C16orf96: variants seen among roughly 807,000 people sequenced by gnomAD.
The protein encoded by C16orf96 is uncharacterized protein C16orf96.
C16orf96 carries 108 observed loss-of-function variants against 103.6 expected under a neutral mutation model. That is an observed-to-expected ratio of 1.04 (90% CI 0.89 to 1.22). C16orf96 has a LOEUF of 1.22. Among genes scored for constraint, C16orf96 ranks in the 50% most tolerant of loss-of-function variants. C16orf96 has a pLI of 0.00. For synonymous variants in C16orf96, 566 were observed against 593.5 expected, an observed-to-expected ratio of 0.95 and a Z score of 0.67; for missense variants, 1,586 against 1,464.2, an observed-to-expected ratio of 1.08 and a Z score of -1.36.
chr16:4,562,721 C>A, intron 1 of C16orf96: 1 of 553,446 alleles, frequency 1.8e-6, no homozygotes, highest in African/African-American at 2.0e-5. Context: ...CATATAATAG[C>A]TTGGAGAACA....
chr16:4,575,593 A>C lies in C16orf96; in HGVS notation c.1113A>C (p.Gly371=). 1.3e-6 allele frequency: 2 copies of C among 1,514,518 alleles called. No homozygotes were observed. Among genetic ancestry groups the C allele is most frequent in the Non-Finnish European group, 1.8e-6 (2 of 1,131,608 alleles). 93.8% of individuals were successfully genotyped at this position (1,514,518 alleles called of 1,614,324 possible). A position where few individuals can be genotyped will look rare whatever the true frequency, so the allele number is the denominator to read the frequency against. ...TGCCAGCACCTTGGCCTGTGCTTGG[A>C]CCTGTGCCTGCCCCAGGTGCCCAGC... ...GSLPAPWPVL[G]PVPAPGAQPP... The change falls in exon 5 of 16, where the codon GGA becomes GGC. Residue 371 remains glycine (G), a synonymous_variant. Transcript: ENST00000444310.
chr16:4,599,503 A>G (rs192749000), intron 15 of C16orf96, 139 bp downstream of exon 15: 557 of 752,008 alleles, frequency 7.4e-4, no homozygotes, highest in Non-Finnish European at 1.0e-3. Flanking sequence ...TTGCCTGCCT[A>G]TGGCACTTCA....
upstream of C16orf96, among the ~76,000 whole-genome samples, chr16:4,555,269 T>TACACACACAC (rs71139639): frequency 4.1e-5 from 6 of 145,588 alleles, no homozygotes; most frequent in African/African-American, 1.0e-4. Flanking sequence ...TCACACACAC[T>TACACACACAC]ACACACACAC....
chr16:4,575,432 C>T lies in C16orf96; in HGVS notation c.952C>T (p.Pro318Ser), dbSNP rs867357170. ...QPPALTPESA[P>S]GCTTEFAPGP... ...TCCGGCCCTCACGCCTGAGTCTGCA[C>T]CTGGGTGCACAACTGAATTTGCACC... Residue 318 changes from proline to serine, a missense_variant, in exon 5 of 16, where the codon CCT becomes TCT. Pro to Ser is a moderately conservative substitution (Grantham distance 74). Coordinates refer to ENST00000444310, the MANE Select transcript of C16orf96 (RefSeq NM_001145011.2). 6.5e-7 allele frequency: 1 copy of T among 1,549,618 alleles called. No individual in the cohort carries two copies. Among genetic ancestry groups the T allele is most frequent in the Non-Finnish European group, 8.7e-7 (1 of 1,146,938 alleles).
At chr16:4,544,735 A>G in the C16orf96 span, among the ~76,000 whole-genome samples, 3 of 152,198 alleles carry the variant, frequency 2.0e-5, no homozygotes, top group African/African-American at 7.2e-5. Flanking sequence ...CCTGGCACAC[A>G]GCCAGCCCTC....
chr16:4,563,851 G>A (rs2059359143), intron 1 of C16orf96, among the ~76,000 whole-genome samples: 2 of 151,434 alleles, frequency 1.3e-5, no homozygotes, highest in African/African-American at 4.9e-5. Context: ...TTACAGGCAT[G>A]AGCCACTGTG....
At chr16:4,571,793 G>C (rs1406144376) in intron 2 of C16orf96, 128 bp downstream of exon 2, 1 of 763,244 alleles carries the variant, frequency 1.3e-6, no homozygotes, top group East Asian at 2.8e-5. Context: ...TGGTCATGTG[G>C]ACCCTCCAAT....
intron 6 of C16orf96, 80 bp downstream of exon 6, chr16:4,579,105 C>A (rs1021734147): frequency 3.2e-6 from 4 of 1,262,506 alleles, no homozygotes; most frequent in Admixed American, 2.0e-5. Context: ...CTCTGCCCCC[C>A]TCCCAGGTGC....
At chr16:4,554,654 T>C (rs1223690625), upstream of C16orf96, among the ~76,000 whole-genome samples, 1 of 146,710 alleles carries the variant, frequency 6.8e-6, no homozygotes, top group African/African-American at 2.6e-5. Context: ...GCACCCAGCC[T>C]ATCGCCCTTC....
Position 4,575,797 on chromosome 16 carries a change from G to T in C16orf96, c.1317G>T (p.Gln439His). Reference sequence around the variant, plus strand: ...GCTCATTGTGGCCTCGACCACTCCAGCCATATCAGTCTCGCCAGGGAGAAG... The same window carrying T: ...GCTCATTGTGGCCTCGACCACTCCATCCATATCAGTCTCGCCAGGGAGAAG... ...EFGSLWPRPL[Q>H]PYQSRQGEAL... The change falls in exon 5 of 16, where the codon CAG becomes CAT. Residue 439 changes from glutamine (Q) to histidine (H), a missense_variant. By Grantham distance (24) the Gln-to-His change is conservative (BLOSUM62 0). Coordinates refer to ENST00000444310, the MANE Select transcript of C16orf96 (RefSeq NM_001145011.2). The T allele has an allele frequency of 6.4e-7, 1 of 1,551,134 alleles. No homozygotes were observed. Among genetic ancestry groups the T allele is most frequent in the South Asian group, 1.2e-5 (1 of 84,058 alleles).
intron 2 of C16orf96, among the ~76,000 whole-genome samples, chr16:4,573,303 G>C (rs753029135): frequency 6.6e-6 from 1 of 152,052 alleles, no homozygotes; most frequent in South Asian, 2.1e-4. Context: ...GCTGGGTGTG[G>C]TTGCAGGCAC....
At chr16:4,567,572 C>T (rs1052047434) in intron 1 of C16orf96, among the ~76,000 whole-genome samples, 3 of 151,462 alleles carry the variant, frequency 2.0e-5, no homozygotes, top group African/African-American at 7.3e-5. Flanking sequence ...TGTGAGCCAC[C>T]GCGCCCGGCC....
At chr16:4,541,662 G>C in the C16orf96 span, among the ~76,000 whole-genome samples, 21 of 151,998 alleles carry the variant, frequency 1.4e-4, no homozygotes, top group Non-Finnish European at 1.8e-4. Flanking sequence ...GCTTTTTATT[G>C]GTGATTCTGG....
chr16:4,546,396 G>T, the C16orf96 span, among the ~76,000 whole-genome samples: 1 of 150,536 alleles, frequency 6.6e-6, no homozygotes, highest in Admixed American at 6.7e-5. Flanking sequence ...CTGACCTCGT[G>T]ATCTGCCTGC....
chr16:4,594,609 G>A lies in C16orf96; in HGVS notation c.3028-95G>A, dbSNP rs901609586. 3.9e-6 allele frequency: 6 copies of A among 1,537,526 alleles called. No individual in the cohort carries two copies. The African/African-American group carries it at 4.1e-5, about 11-fold the overall frequency. ...CTGAGCAGTGGGCAACCCCAGCAGA[G>A]GCTGCACTCTGTCTCCTGGGCTTCT... On this transcript the variant is annotated intron_variant, in intron 13 of 15. Coordinates refer to ENST00000444310, the MANE Select transcript of C16orf96 (RefSeq NM_001145011.2).
chr16:4,579,288 C>CT (rs1417456770), intron 6 of C16orf96, among the ~76,000 whole-genome samples: 1 of 152,066 alleles, frequency 6.6e-6, no homozygotes, highest in African/African-American at 2.4e-5. Flanking sequence ...TGCGGTGGCT[C>CT]ATACCTGTAA....
chr16:4,549,762 CAG>C, the C16orf96 span, among the ~76,000 whole-genome samples: 1 of 152,066 alleles, frequency 6.6e-6, no homozygotes, highest in Middle Eastern at 3.2e-3. Flanking sequence ...CTGGGCAACA[CAG>C]AGAGACCCTG....
At chr16:4,588,793 A>G (rs1370134402) in intron 9 of C16orf96, among the ~76,000 whole-genome samples, 3 of 150,026 alleles carry the variant, frequency 2.0e-5, no homozygotes, top group Admixed American at 1.3e-4. Flanking sequence ...CCCATTTCAC[A>G]GAGGAGAACA....
the C16orf96 span, chr16:4,538,945 T>A: frequency 3.3e-5 from 5 of 152,198 alleles, no homozygotes; most frequent in Non-Finnish European, 5.9e-5. Context: ...GTTTGCCCAA[T>A]GTACACGAGG....
Sources: gnomAD v4.1 joint callset for allele counts (sites outside exome capture counted in the v4.1 genomes callset) on GRCh38, gnomAD v4.1.1 for gene constraint, MANE v1.5 for transcripts, NCBI Gene and HGNC (gene_info 2026-07-23, HGNC 2026-07-21) for gene names.